GLIS3: variants seen among roughly 807,000 people sequenced by gnomAD.
GLIS3 encodes GLIS family zinc finger 3, also known as zinc finger protein GLIS3.
Under a neutral mutation model 78.6 loss-of-function variants are expected in GLIS3, and 53 were observed. The ratio of observed to expected loss-of-function variants is 0.67; its 90% CI spans 0.54 to 0.85. GLIS3 has a LOEUF of 0.85. Ranked by LOEUF, GLIS3 falls within the 40% of genes least tolerant of loss-of-function variation. The pLI, the probability that GLIS3 is intolerant of heterozygous loss-of-function variation, is 0.00. For synonymous variants in GLIS3, 684 were observed against 509.9 expected, an observed-to-expected ratio of 1.34 and a Z score of -4.60; for missense variants, 1,703 against 1,231.1, an observed-to-expected ratio of 1.38 and a Z score of -5.74.
chr9:4,076,652 T>C (rs947453777), intron 4 of GLIS3, among the ~76,000 whole-genome samples: 8 of 152,224 alleles, frequency 5.3e-5, no homozygotes, highest in African/African-American at 1.9e-4. Flanking sequence ...CTCCAGTCTT[T>C]CTTTAAAAAT....
chr9:4,367,847 C>T, the GLIS3 span, among the ~76,000 whole-genome samples: 4 of 152,140 alleles, frequency 2.6e-5, no homozygotes, highest in Admixed American at 1.3e-4. Context: ...ACTCACACAT[C>T]TACCAATTCA....
At chr9:3,985,141 A>T (rs1220408057) in intron 4 of GLIS3, among the ~76,000 whole-genome samples, 1 of 151,328 alleles carries the variant, frequency 6.6e-6, no homozygotes, top group African/African-American at 2.4e-5. Flanking sequence ...AGTCAAAATT[A>T]TTATTATTAT....
chr9:3,904,258 G>C (rs1305155634), intron 6 of GLIS3, among the ~76,000 whole-genome samples: 1 of 152,094 alleles, frequency 6.6e-6, no homozygotes, highest in African/African-American at 2.4e-5. Context: ...AAAAACAGAA[G>C]ATTATCCCCT....
intron 4 of GLIS3, among the ~76,000 whole-genome samples, chr9:3,967,040 A>AAAT (rs1226736845): frequency 1.5e-5 from 2 of 129,628 alleles, no homozygotes; most frequent in Admixed American, 8.6e-5. Flanking sequence ...AAAACAAAAA[A>AAAT]ACATTTTGAG....
intron 2 of GLIS3, among the ~76,000 whole-genome samples, chr9:4,336,383 G>C (rs1002169901): frequency 6.6e-6 from 1 of 152,118 alleles, no homozygotes; most frequent in African/African-American, 2.4e-5. Flanking sequence ...AAAGCCACCA[G>C]GCCAGGCCAG....
At chr9:4,325,970 C>A (rs945002006) in intron 2 of GLIS3, among the ~76,000 whole-genome samples, 30 of 152,168 alleles carry the variant, frequency 2.0e-4, no homozygotes, top group African/African-American at 7.0e-4. Flanking sequence ...CAAACACCAC[C>A]TGTTCTCACT....
intron 4 of GLIS3, among the ~76,000 whole-genome samples, chr9:4,065,119 C>G (rs561963302): frequency 2.0e-5 from 3 of 152,128 alleles, no homozygotes; most frequent in Non-Finnish European, 4.4e-5. Context: ...TTTCTTCTGT[C>G]GGCCTAGATT....
intron 6 of GLIS3, among the ~76,000 whole-genome samples, chr9:3,924,712 G>A (rs114722621): frequency 6.6e-6 from 1 of 152,174 alleles, no homozygotes; most frequent in African/African-American, 2.4e-5. Flanking sequence ...ATTGCACAAA[G>A]GACATGAATA....
the GLIS3 span, among the ~76,000 whole-genome samples, chr9:4,477,211 T>C: frequency 6.6e-6 from 1 of 152,040 alleles, no homozygotes. Context: ...GGTAAATACA[T>C]ACAATGCAAT....
chr9:4,389,557 T>G, the GLIS3 span, among the ~76,000 whole-genome samples: 1 of 152,196 alleles, frequency 6.6e-6, no homozygotes, highest in Non-Finnish European at 1.5e-5. Context: ...TTGAACTAAC[T>G]AAAAATTTAG....
intron 2 of GLIS3, among the ~76,000 whole-genome samples, chr9:4,128,098 T>G (rs897295910): frequency 3.9e-5 from 6 of 152,262 alleles, no homozygotes; most frequent in Admixed American, 3.9e-4. Context: ...CAAACTAATG[T>G]GATCACTGAA....
chr9:3,902,620 C>T (rs920315963), intron 6 of GLIS3, among the ~76,000 whole-genome samples: 2 of 152,130 alleles, frequency 1.3e-5, no homozygotes, highest in Non-Finnish European at 2.9e-5. Context: ...ATCAGAATCA[C>T]CTGCAGCGCC....
chr9:4,177,155 CAAAACAAAACAAAACA>C (rs1281039594), intron 2 of GLIS3, among the ~76,000 whole-genome samples: 7 of 91,932 alleles, frequency 7.6e-5, no homozygotes, highest in African/African-American at 3.5e-4. Context: ...CAAAACAAAA[CAAAACAAAACAAAACA>C]AAATCACCAT....
In GLIS3 at chr9:4,038,343, A is replaced by C. The variant is rs568406082; in HGVS notation, c.1710+79425T>G. 8.5e-5 allele frequency among the ~76,000 whole-genome samples: 13 copies of C among 152,302 alleles called. No individual in the cohort carries two copies. In the East Asian group the frequency reaches 2.3e-3, roughly 27 times the overall value. ...CTGTTGACACAGAGGGAAACCTCTAATTACATGAGTCACTGTAGTTTTACA... is the reference window on the plus strand; with the variant it reads ...CTGTTGACACAGAGGGAAACCTCTACTTACATGAGTCACTGTAGTTTTACA... On this transcript the variant is annotated intron_variant, in intron 4 of 10. Coordinates refer to ENST00000381971, the MANE Select transcript of GLIS3 (RefSeq NM_001042413.2).
In GLIS3 at chr9:4,318,028, C is replaced by A. The variant is rs186035145; in HGVS notation, n.265-7500G>T. ...GAACATGTGTATAATGTCAGAAAAG[C>A]AACTAGAAAAATTATAGAAACTGAG... On this transcript the variant is annotated intron_variant and non_coding_transcript_variant, in intron 2 of 4. Transcript: ENST00000471664. Among the ~76,000 whole-genome samples, 97 of 152,252 alleles carry A rather than the reference C, an allele frequency of 6.4e-4. 1 individual carries two copies. The East Asian group carries it at 0.012, about 18-fold the overall frequency.
At chr9:4,177,481 G>A (rs1293871167) in intron 2 of GLIS3, among the ~76,000 whole-genome samples, 1 of 152,154 alleles carries the variant, frequency 6.6e-6, no homozygotes, top group Non-Finnish European at 1.5e-5. Context: ...AACAGATACA[G>A]GTGAAGGTGC....
chr9:4,149,491 A>C lies in GLIS3; in HGVS notation c.389-23550T>G, dbSNP rs112078589. ...ACAGGACAATTGTCATTCTTCTCCC[A>C]AAGCTGGAACTCACACTCACGCGGA... On this transcript the variant is annotated intron_variant, in intron 2 of 10. Coordinates refer to ENST00000381971, the MANE Select transcript of GLIS3 (RefSeq NM_001042413.2). 3.0e-4 allele frequency among the ~76,000 whole-genome samples: 45 copies of C among 152,350 alleles called. 2 individuals are homozygous for C. Among genetic ancestry groups the C allele is most frequent in the African/African-American group, 1.0e-3 (43 of 41,582 alleles).
chr9:3,871,858 C>T (rs980390121), intron 8 of GLIS3, among the ~76,000 whole-genome samples: 2 of 152,206 alleles, frequency 1.3e-5, no homozygotes, highest in Non-Finnish European at 2.9e-5. Context: ...ATTTATGCAG[C>T]CAGCTTGAAT....
chr9:4,230,430 C>G (rs1822153510), intron 2 of GLIS3, among the ~76,000 whole-genome samples: 2 of 152,294 alleles, frequency 1.3e-5, no homozygotes, highest in Admixed American at 1.3e-4. Context: ...TGAGGTAGGG[C>G]CTCCTCCCTT....
Sources: allele counts gnomAD v4.1 joint callset (sites outside exome capture counted in the v4.1 genomes callset), GRCh38; gene constraint gnomAD v4.1.1; transcripts MANE v1.5; gene names NCBI Gene and HGNC (gene_info 2026-07-23, HGNC 2026-07-21).